Variants in CR1 observed in about 807,000 individuals in gnomAD.
The protein encoded by CR1 is complement C3b/C4b receptor 1 (Knops blood group).
Under a neutral mutation model 187.3 loss-of-function variants are expected in CR1, and 116 were observed. That is an observed-to-expected ratio of 0.62 (90% CI 0.53 to 0.72). CR1 has a LOEUF of 0.72. Among genes scored for constraint, CR1 ranks in the 30% least tolerant of loss-of-function variants. The pLI is 0.00. For synonymous variants in CR1, 576 were observed against 747.1 expected (o/e 0.77, Z 3.73); for missense variants, 1,731 against 2,110.7 (o/e 0.82, Z 3.52).
chr1:207,624,658 C>T (rs2102407594), intron 45 of CR1, among the ~76,000 whole-genome samples: 1 of 152,272 alleles, frequency 6.6e-6, no homozygotes, highest in Non-Finnish European at 1.5e-5. Flanking sequence ...TCCTTCCTAA[C>T]TAATGTTCTC....
intron 3 of CR1, 118 bp from the exon 4 acceptor site, chr1:207,511,451 T>C (rs1659613706): frequency 1.1e-6 from 1 of 939,832 alleles, no homozygotes; most frequent in Non-Finnish European, 1.6e-6. Flanking sequence ...GATAGTCCTT[T>C]GATGAGTGTA....
rs1291025866 is a variant in CR1 at position 207,514,990 on chromosome 1, T to TACAC, written c.487+3337_487+3338insCACA. 6.0e-3 allele frequency among the ~76,000 whole-genome samples: 760 copies of TACAC among 127,446 alleles called. 3 individuals are homozygous for TACAC. Among genetic ancestry groups the TACAC allele is most frequent in the African/African-American group, 0.023 (715 of 31,210 alleles). 83.6% of individuals were successfully genotyped at this position (127,446 alleles called of 152,430 possible). A position where few individuals can be genotyped will look rare whatever the true frequency, so the allele number is the denominator to read the frequency against. ...TTGGCTGAAGTATAACATATATATA[T>TACAC]ATATACACACACACACACACACACA... On this transcript the variant is annotated intron_variant, in intron 4 of 46. Coordinates refer to ENST00000367049, the MANE Select transcript of CR1 (RefSeq NM_000651.6).
At chr1:207,583,607 C>T (rs1661023772) in intron 32 of CR1, among the ~76,000 whole-genome samples, 1 of 152,202 alleles carries the variant, frequency 6.6e-6, no homozygotes, top group Admixed American at 6.5e-5. Flanking sequence ...CCCTTCTGAT[C>T]ATAGCTATTA....
At chr1:207,577,338 A>G (rs1214052501) in intron 28 of CR1, among the ~76,000 whole-genome samples, 2 of 152,206 alleles carry the variant, frequency 1.3e-5, no homozygotes, top group Non-Finnish European at 2.9e-5. Context: ...GTAGAGCAGC[A>G]CTCATAACAT....
rs56044498 is a variant in CR1, at chr1:207,498,877, C to CAAA, written c.121+2503_121+2505dup. On this transcript the variant is annotated intron_variant, in intron 1 of 46. Transcript: ENST00000367049. Reference sequence around the variant, plus strand: ...TGGGTGACAGAGCGCAACTCCAAATCAAAAAAAAAAAAAAAAGAAACAAAC... The same window carrying CAAA: ...TGGGTGACAGAGCGCAACTCCAAATCAAAAAAAAAAAAAAAAAAAGAAACAAAC... Among the ~76,000 whole-genome samples, 290 of 50,098 alleles carry CAAA rather than the reference C, an allele frequency of 5.8e-3. 10 individuals carry two copies. The highest frequency in any genetic ancestry group is 0.019 in the Middle Eastern group (1 of 52). The allele number at this position is 50,098 out of a possible 152,430, so 32.9% of individuals were successfully genotyped here.
chr1:207,518,884 A>T (rs1287664150), intron 4 of CR1, among the ~76,000 whole-genome samples: 1 of 152,204 alleles, frequency 6.6e-6, no homozygotes, highest in Non-Finnish European at 1.5e-5. Flanking sequence ...CAGGACACAG[A>T]TATTTTTTAA....
chr1:207,629,467 G>T (rs1553303019), intron 45 of CR1, among the ~76,000 whole-genome samples: 1 of 151,994 alleles, frequency 6.6e-6, no homozygotes, highest in Non-Finnish European at 1.5e-5. Context: ...CATACCACCT[G>T]GCTATATACC....
intron 1 of CR1, among the ~76,000 whole-genome samples, chr1:207,505,417 G>A (rs1174583846): frequency 6.6e-6 from 1 of 152,116 alleles, no homozygotes; most frequent in East Asian, 1.9e-4. Context: ...ACCCACCTTG[G>A]CCTCTGAAAG....
At chr1:207,585,957 C>T (rs1463092186) in intron 33 of CR1, among the ~76,000 whole-genome samples, 1 of 152,074 alleles carries the variant, frequency 6.6e-6, no homozygotes, top group Non-Finnish European at 1.5e-5. Context: ...GCCAACACAG[C>T]AAGCTCCTAA....
intron 1 of CR1, among the ~76,000 whole-genome samples, chr1:207,505,311 G>C (rs2102335149): frequency 6.6e-6 from 1 of 152,134 alleles, no homozygotes; most frequent in Middle Eastern, 3.4e-3. Context: ...GTACAGGCAA[G>C]TGCAATCATG....
chr1:207,597,494 A>G (rs922584748), intron 35 of CR1, among the ~76,000 whole-genome samples: 9 of 152,184 alleles, frequency 5.9e-5, no homozygotes, highest in Admixed American at 4.6e-4. Flanking sequence ...ACATCAAAAG[A>G]TGTTCAACAT....
intron 31 of CR1, among the ~76,000 whole-genome samples, chr1:207,581,233 G>T (rs35561139): frequency 0.17 from 23,825 of 139,050 alleles, 2,877 homozygotes; most frequent in South Asian, 0.42. Context: ...CGTATATGTA[G>T]ACGTATACAT....
intron 37 of CR1, among the ~76,000 whole-genome samples, 162 bp from the exon 38 acceptor site, chr1:207,611,515 C>T (rs1331178215): frequency 6.6e-6 from 1 of 152,174 alleles, no homozygotes; most frequent in East Asian, 1.9e-4. Context: ...GCTTGGTTTC[C>T]TTAGCTTCCT....
chr1:207,620,801 A>G (rs1382313906), intron 43 of CR1, among the ~76,000 whole-genome samples: 2 of 152,208 alleles, frequency 1.3e-5, no homozygotes, highest in Non-Finnish European at 2.9e-5. Flanking sequence ...ATCTCACTGG[A>G]TAACTTACTA....
At chr1:207,500,104 C>G (rs1305344058) in intron 1 of CR1, among the ~76,000 whole-genome samples, 2 of 152,202 alleles carry the variant, frequency 1.3e-5, no homozygotes, top group African/African-American at 4.8e-5. Context: ...ATCATGAAGA[C>G]TGTCGAAATA....
At chr1:207,514,839 G>A (rs1241864684) in intron 4 of CR1, among the ~76,000 whole-genome samples, 1 of 151,610 alleles carries the variant, frequency 6.6e-6, no homozygotes, top group Non-Finnish European at 1.5e-5. Context: ...TTCCTTGTAA[G>A]GGTTTATATA....
At chr1:207,615,758 A>G (rs577603455) in intron 40 of CR1, among the ~76,000 whole-genome samples, 14 of 152,328 alleles carry the variant, frequency 9.2e-5, no homozygotes, top group Admixed American at 8.5e-4. Context: ...TATTCAACAA[A>G]CTCAACCTTA....
intron 1 of CR1, among the ~76,000 whole-genome samples, chr1:207,500,422 T>C (rs1357583717): frequency 6.6e-6 from 1 of 152,234 alleles, no homozygotes; most frequent in Non-Finnish European, 1.5e-5. Flanking sequence ...AGAGTGTTCT[T>C]TGGGTTGACA....
In CR1 at chr1:207,567,858, T is replaced by C. The variant is rs372043685; in HGVS notation, c.3987T>C (p.Asn1329=). Residue 1329 remains asparagine, a synonymous_variant, in exon 25 of 47, where the codon AAT becomes AAC. Transcript: ENST00000367049. ...IFCPSPPVIP[N]GRHTGKPLEV... is the part of the protein sequence containing the mutation. ...GTCCAAGTCCTCCAGTTATTCCTAATGGGAGACACACAGGAAAACCTCTGG... is the reference window on the plus strand; with the variant it reads ...GTCCAAGTCCTCCAGTTATTCCTAACGGGAGACACACAGGAAAACCTCTGG... 1 of 1,611,010 alleles carries C rather than the reference T, an allele frequency of 6.2e-7. No individual in the cohort carries two copies. The highest frequency in any genetic ancestry group is 8.5e-7 in the Non-Finnish European group (1 of 1,179,642).
Sources: gnomAD v4.1 joint callset for allele counts (sites outside exome capture counted in the v4.1 genomes callset) on GRCh38, gnomAD v4.1.1 for gene constraint, MANE v1.5 for transcripts, NCBI Gene and HGNC (gene_info 2026-07-23, HGNC 2026-07-21) for gene names.